VPS13B: variants seen among roughly 807,000 people sequenced by gnomAD.
The protein encoded by VPS13B is vacuolar protein sorting 13 homolog B, also known as intermembrane lipid transfer protein VPS13B.
VPS13B carries 285 observed loss-of-function variants against 426.4 expected under a neutral mutation model. The observed-to-expected ratio is 0.67, with a 90% CI of 0.61 to 0.74. The LOEUF is 0.74. Among genes scored for constraint, VPS13B ranks in the 30% least tolerant of loss-of-function variants. The pLI, the probability that VPS13B is intolerant of heterozygous loss-of-function variation, is 0.00. For missense variants in VPS13B, 4,537 were observed against 4,782.6 expected (o/e 0.95, Z 1.51); for synonymous variants, 1,676 against 1,676.4 (o/e 1.00, Z 0.01).
At chr8:99,432,610 C>T (rs561900586) in intron 22 of VPS13B, among the ~76,000 whole-genome samples, 2 of 152,160 alleles carry the variant, frequency 1.3e-5, no homozygotes, top group East Asian at 1.9e-4. Context: ...TGAAAACTTA[C>T]GGAGAACGTT....
intron 19 of VPS13B, among the ~76,000 whole-genome samples, chr8:99,295,025 G>A (rs1482622531): frequency 6.6e-6 from 1 of 152,066 alleles, no homozygotes; most frequent in Admixed American, 6.6e-5. Context: ...AAATGTAAGA[G>A]CTTATCTTCA....
chr8:99,760,489 G>A (rs145687003), intron 39 of VPS13B, among the ~76,000 whole-genome samples: 4 of 152,200 alleles, frequency 2.6e-5, no homozygotes, highest in African/African-American at 9.6e-5. Context: ...CAAGGTCATA[G>A]AGCAGTGATT....
chr8:99,707,704 A>C (rs993138151), intron 36 of VPS13B, among the ~76,000 whole-genome samples: 6 of 152,188 alleles, frequency 3.9e-5, no homozygotes, highest in African/African-American at 1.2e-4. Context: ...GACCACCATT[A>C]CTATGTGGGA....
rs781671301 is a variant in VPS13B at position 99,835,576 on chromosome 8, C to T, written c.9780C>T (p.Pro3260=). The change falls in exon 54 of 62, where the codon CCC becomes CCT. Residue 3260 remains proline (P), a synonymous_variant. Transcript: ENST00000357162. ...TTGAGGTTTATTGCAAAAAAATTCC[C>T]TCCGAGTGCTCAATTCATCATGAGC... is the stretch of plus-strand genomic sequence containing the variant. ...PKFEVYCKKI[P]SECSIHHELY... The T allele has an allele frequency of 2.5e-6, 4 of 1,614,086 alleles. No individual in the cohort carries two copies. In the East Asian group the frequency reaches 8.9e-5, roughly 36 times the overall value.
chr8:99,078,598 C>G (rs1845267435), intron 3 of VPS13B, among the ~76,000 whole-genome samples: 1 of 152,016 alleles, frequency 6.6e-6, no homozygotes, highest in Non-Finnish European at 1.5e-5. Context: ...GTGGCATATG[C>G]AGGTGATTGT....
chr8:99,861,254 C>A (rs1257306460), intron 57 of VPS13B, among the ~76,000 whole-genome samples: 1 of 152,176 alleles, frequency 6.6e-6, no homozygotes, highest in African/African-American at 2.4e-5. Context: ...AGTGTCATCA[C>A]CCCTGTGGGC....
intron 36 of VPS13B, among the ~76,000 whole-genome samples, chr8:99,701,139 G>A (rs544503931): frequency 7.2e-5 from 11 of 152,096 alleles, no homozygotes; most frequent in South Asian, 4.1e-4. Context: ...AGAAATATTC[G>A]TGACCAAGCC....
intron 15 of VPS13B, among the ~76,000 whole-genome samples, chr8:99,158,239 A>G (rs1324535991): frequency 6.6e-6 from 1 of 152,240 alleles, no homozygotes; most frequent in Non-Finnish European, 1.5e-5. Context: ...CCTTGCTTCA[A>G]AACTTCAAAA....
chr8:99,463,381 A>G (rs1355707282), intron 23 of VPS13B, among the ~76,000 whole-genome samples: 1 of 152,224 alleles, frequency 6.6e-6, no homozygotes. Flanking sequence ...AGATTTCTAT[A>G]TGTAAAATGT....
At chr8:99,410,085 A>G (rs1172796556) in intron 21 of VPS13B, among the ~76,000 whole-genome samples, 1 of 152,194 alleles carries the variant, frequency 6.6e-6, no homozygotes, top group Non-Finnish European at 1.5e-5. Context: ...CCACTCTACC[A>G]TTTATCTCTG....
At chr8:99,713,212 C>T (rs1288211694) in intron 36 of VPS13B, among the ~76,000 whole-genome samples, 3 of 152,134 alleles carry the variant, frequency 2.0e-5, no homozygotes, top group Non-Finnish European at 4.4e-5. Flanking sequence ...GCCACTATAG[C>T]GTGAGAAAGG....
chr8:99,587,281 A>T (rs868690865), intron 33 of VPS13B, among the ~76,000 whole-genome samples: 42 of 152,320 alleles, frequency 2.8e-4, no homozygotes, highest in Middle Eastern at 3.4e-3. Flanking sequence ...CACAATAAAC[A>T]TATGTGTGCA....
chr8:99,396,096 C>T (rs1015760370), intron 21 of VPS13B, among the ~76,000 whole-genome samples: 2 of 151,954 alleles, frequency 1.3e-5, no homozygotes, highest in Non-Finnish European at 2.9e-5. Flanking sequence ...CTTATCGAAC[C>T]GTGGGATGAT....
At chr8:99,067,626 A>C (rs1844607955) in intron 3 of VPS13B, among the ~76,000 whole-genome samples, 1 of 152,276 alleles carries the variant, frequency 6.6e-6, no homozygotes, top group African/African-American at 2.4e-5. Flanking sequence ...CATGTACCCT[A>C]GAACTTAAAG....
intron 61 of VPS13B, 84 bp downstream of exon 61, chr8:99,871,781 T>G: frequency 2.5e-6 from 4 of 1,603,668 alleles, no homozygotes; most frequent in Non-Finnish European, 3.4e-6. Context: ...TAGGCATTTC[T>G]GAGCTGCAGC....
chr8:99,876,728 A>G lies in VPS13B; in HGVS notation c.*1062A>G, dbSNP rs1351288829. The G allele has an allele frequency of 1.3e-5, 2 of 152,186 alleles. No individual in the cohort carries two copies. Among genetic ancestry groups the G allele is most frequent in the African/African-American group, 4.8e-5 (2 of 41,442 alleles). The allele number at this position is 152,186 out of a possible 1,614,324, so 9.4% of individuals were successfully genotyped here. A position where few individuals can be genotyped will look rare whatever the true frequency, so the allele number is the denominator to read the frequency against. ...CCAAGATGTCTTAAATGTTCAGTAAATATCTTTCTTACAGTCCAGTAGCTT... is the reference window on the plus strand; with the variant it reads ...CCAAGATGTCTTAAATGTTCAGTAAGTATCTTTCTTACAGTCCAGTAGCTT... On this transcript the variant is annotated 3_prime_UTR_variant, in exon 62 of 62. Transcript: ENST00000357162.
At chr8:99,034,906 T>C (rs550829661) in intron 2 of VPS13B, among the ~76,000 whole-genome samples, 74 of 152,180 alleles carry the variant, frequency 4.9e-4, no homozygotes, top group Non-Finnish European at 9.4e-4. Flanking sequence ...ATAAAATTTG[T>C]CATTGAGACT....
At chr8:99,529,359 C>T (rs1164640924) in intron 30 of VPS13B, among the ~76,000 whole-genome samples, 3 of 152,124 alleles carry the variant, frequency 2.0e-5, no homozygotes, top group African/African-American at 7.2e-5. Context: ...GGTCATCTTT[C>T]AGTGTAATCA....
chr8:99,190,123 A>G (rs1325796829), intron 16 of VPS13B, among the ~76,000 whole-genome samples: 1 of 152,130 alleles, frequency 6.6e-6, no homozygotes, highest in Non-Finnish European at 1.5e-5. Flanking sequence ...TGTAGTGCCT[A>G]CAAACTTAAT....
Sources: allele counts gnomAD v4.1 joint callset (sites outside exome capture counted in the v4.1 genomes callset), GRCh38; gene constraint gnomAD v4.1.1; transcripts MANE v1.5; gene names NCBI Gene and HGNC (gene_info 2026-07-23, HGNC 2026-07-21).